KIF1B: variants seen among roughly 807,000 people sequenced by gnomAD.
KIF1B encodes kinesin family member 1B, also known as kinesin-like protein KIF1B.
KIF1B carries 76 observed loss-of-function variants against 241.9 expected under a neutral mutation model. The ratio of observed to expected loss-of-function variants is 0.31; its 90% confidence interval spans 0.26 to 0.38. The LOEUF is 0.38. Ranked by LOEUF, KIF1B falls within the 10% of genes least tolerant of loss-of-function variation. The probability of loss-of-function intolerance (pLI) is 1.00; values close to 1 mark genes in which losing one functional copy is unlikely to be tolerated. For missense variants in KIF1B, 1,622 were observed against 2,271.4 expected (o/e 0.71, Z 5.81); for synonymous variants, 750 against 796.7 (o/e 0.94, Z 0.99).
At position 10,313,797 on chromosome 1, in the gene KIF1B, A is replaced by G. The variant is rs541199549; in HGVS notation, c.2116-6246A>G. Among the ~76,000 whole-genome samples, 43 of 151,410 alleles carry G rather than the reference A, an allele frequency of 2.8e-4. No individual in the cohort carries two copies. In the South Asian group the frequency reaches 6.4e-3, roughly 23 times the overall value. On this transcript the variant is annotated intron_variant, in intron 22 of 48. Transcript: ENST00000676179. ...GATCTCCTGACCTCGTGATCTGCCC[A>G]CCTTGGCCTCCCAAAGTGTTGAGAT...
At chr1:10,368,999 T>G (rs1638649713) in intron 44 of KIF1B, among the ~76,000 whole-genome samples, 1 of 152,138 alleles carries the variant, frequency 6.6e-6, no homozygotes, top group African/African-American at 2.4e-5. Context: ...TGCCTTGGGG[T>G]CTTTGCACAC....
intron 1 of KIF1B, among the ~76,000 whole-genome samples, chr1:10,220,528 G>A (rs1038082613): frequency 7.2e-5 from 11 of 152,132 alleles, no homozygotes; most frequent in African/African-American, 1.4e-4. Context: ...AAAATAAACA[G>A]GGCAGTGATG....
intron 19 of KIF1B, among the ~76,000 whole-genome samples, chr1:10,296,258 C>T (rs1200447764): frequency 6.6e-6 from 1 of 152,124 alleles, no homozygotes; most frequent in Admixed American, 6.5e-5. Context: ...TGGTTATTAC[C>T]TATATCTCAT....
At position 10,380,110 on chromosome 1, in the gene KIF1B, A is replaced by G. The variant is rs1365457121; in HGVS notation, c.*3523A>G. On this transcript the variant is annotated 3_prime_UTR_variant, in exon 49 of 49. Coordinates refer to ENST00000676179, the MANE Select transcript of KIF1B (RefSeq NM_001365951.3). ...TGTGAACTGTCTCTTGAGATCTAAA[A>G]ACAAGATGACTTTTCCTGGCACATA... is the stretch of plus-strand genomic sequence containing the variant. 3 of 226,572 alleles carry G rather than the reference A, an allele frequency of 1.3e-5. No individual in the cohort carries two copies. The highest frequency in any genetic ancestry group is 2.6e-5 in the Non-Finnish European group (3 of 113,734). The allele number at this position is 226,572 out of a possible 1,614,324, so 14.0% of individuals were successfully genotyped here.
intron 22 of KIF1B, among the ~76,000 whole-genome samples, chr1:10,313,632 G>T (rs2102285179): frequency 7.1e-6 from 1 of 140,696 alleles, no homozygotes; most frequent in Admixed American, 7.5e-5. Context: ...CTCACTGCAA[G>T]CTCCGCCTCC....
At chr1:10,327,970 T>C (rs1019222508) in intron 27 of KIF1B, among the ~76,000 whole-genome samples, 1 of 152,186 alleles carries the variant, frequency 6.6e-6, no homozygotes, top group Non-Finnish European at 1.5e-5. Context: ...CTCTGGAGGC[T>C]GAGGCCAGAA....
In KIF1B at chr1:10,303,608, C is replaced by A. The variant is rs1198850634; in HGVS notation, c.2115+6362C>A. 1 of 1,614,106 alleles carries A rather than the reference C, an allele frequency of 6.2e-7. No homozygotes were observed. The highest frequency in any genetic ancestry group is 8.5e-7 in the Non-Finnish European group (1 of 1,180,022). ...GATGAGAAGATCGAAGACGTCATGG[C>A]CACTGGGAAAGGCAGCACTGATGTA... On this transcript the variant is annotated intron_variant, in intron 22 of 48. Coordinates refer to ENST00000676179, the MANE Select transcript of KIF1B (RefSeq NM_001365951.3). This position sits in a 1 kb window ranked among gnomAD's most constrained non-coding sequence, Gnocchi z 5.2.
Position 10,360,999 on chromosome 1 carries a change from C to T in KIF1B, c.4126C>T (p.Pro1376Ser). ...HNSLLLNRVT[P>S]YGEKIYMTLS... is the part of the protein sequence containing the mutation. ...CTCCCTTCTTCTGAACCGAGTGACA[C>T]CCTATGGAGAAAAGATCTACATGAC... is the stretch of plus-strand genomic sequence containing the variant. Residue 1376 changes from proline to serine, a missense_variant, in exon 39 of 49, where the codon CCC (proline) becomes TCC (serine). Pro to Ser is a moderately conservative substitution (Grantham distance 74). This residue lies in a region of KIF1B where 803 missense variants were observed against 1,112.0 expected (regional missense o/e 0.72). Transcript: ENST00000676179. 6.2e-7 allele frequency: 1 copy of T among 1,613,954 alleles called. No individual in the cohort carries two copies. The highest frequency in any genetic ancestry group is 8.5e-7 in the Non-Finnish European group (1 of 1,179,932).
chr1:10,246,245 C>A (rs746255327), intron 2 of KIF1B, among the ~76,000 whole-genome samples: 32 of 152,220 alleles, frequency 2.1e-4, no homozygotes, highest in Non-Finnish European at 3.7e-4. Context: ...TTGCCTAGAC[C>A]AAAAATATTG....
chr1:10,265,248 A>T (rs575759003), intron 5 of KIF1B, among the ~76,000 whole-genome samples: 24 of 116,398 alleles, frequency 2.1e-4, no homozygotes, highest in African/African-American at 7.3e-4. Flanking sequence ...TTATTTATTT[A>T]TTTTTAGAGA....
Position 10,274,998 on chromosome 1 carries a change from G to A in KIF1B, c.883-430G>A. On this transcript the variant is annotated intron_variant, in intron 10 of 48. Transcript: ENST00000676179. ...GTTTAATTTTTTGAATTTGGTCATT[G>A]TTTTCTGTGTAAGAGAATGTTCTTA... 8.9e-6 allele frequency: 3 copies of A among 336,310 alleles called. No individual in the cohort carries two copies. In the Middle Eastern group the frequency reaches 1.2e-3, roughly 132 times the overall value. 20.8% of individuals were successfully genotyped at this position (336,310 alleles called of 1,614,324 possible).
intron 22 of KIF1B, chr1:10,305,107 C>CA: frequency 9.4e-7 from 1 of 1,066,110 alleles, no homozygotes; most frequent in Non-Finnish European, 1.1e-6. Flanking sequence ...TAATAACATG[C>CA]AACTGGGTGG....
In KIF1B at chr1:10,375,414, A is replaced by C. The variant is rs61778405; in HGVS notation, c.5408+41A>C. The C allele has an allele frequency of 1.6e-3, 2,445 of 1,528,868 alleles. 33 individuals are homozygous for C. The African/African-American group carries it at 0.027, about 17-fold the overall frequency. The allele number at this position is 1,528,868 out of a possible 1,614,324, so 94.7% of individuals were successfully genotyped here. A position where few individuals can be genotyped will look rare whatever the true frequency, so the allele number is the denominator to read the frequency against. On this transcript the variant is annotated intron_variant, in intron 48 of 48. Transcript: ENST00000676179. Reference sequence around the variant, plus strand: ...GTTGTTGTTGTTGTTTTTGAGACGGAGTCTCACTTTTTCTCCCTGAAGTGC... The same window carrying C: ...GTTGTTGTTGTTGTTTTTGAGACGGCGTCTCACTTTTTCTCCCTGAAGTGC...
intron 22 of KIF1B, among the ~76,000 whole-genome samples, chr1:10,316,091 G>A (rs539158916): frequency 6.7e-6 from 1 of 149,112 alleles, no homozygotes; most frequent in Non-Finnish European, 1.5e-5. Flanking sequence ...GAAGGGGCCA[G>A]GCACGTTGGC....
intron 28 of KIF1B, 121 bp from the exon 29 acceptor site, chr1:10,336,536 T>TA: frequency 1.2e-6 from 1 of 803,710 alleles, no homozygotes; most frequent in Non-Finnish European, 2.2e-6. Context: ...CATGCCGTGT[T>TA]ACTACTTTGG....
chr1:10,286,491 G>A (rs1649722291), intron 15 of KIF1B, among the ~76,000 whole-genome samples: 1 of 152,252 alleles, frequency 6.6e-6, no homozygotes, highest in African/African-American at 2.4e-5. Context: ...AAGGGCAAAT[G>A]CTGTGCTAAG....
intron 22 of KIF1B, among the ~76,000 whole-genome samples, chr1:10,299,606 C>G (rs1426342279): frequency 6.6e-6 from 1 of 152,046 alleles, no homozygotes; most frequent in Non-Finnish European, 1.5e-5. Context: ...TTAATATTTA[C>G]CATATGTAAT....
At chr1:10,235,890 A>G (rs909071217) in intron 2 of KIF1B, among the ~76,000 whole-genome samples, 13 of 150,210 alleles carry the variant, frequency 8.7e-5, no homozygotes, top group African/African-American at 2.9e-4. Context: ...AAAAGCATAA[A>G]TGAGAGTTTG....
chr1:10,262,416 C>T (rs950125821), intron 5 of KIF1B, among the ~76,000 whole-genome samples: 7 of 152,148 alleles, frequency 4.6e-5, no homozygotes, highest in Admixed American at 3.3e-4. Context: ...TCTGAAAGTG[C>T]TGGGGTTGCA....
Sources: allele counts gnomAD v4.1 joint callset (sites outside exome capture counted in the v4.1 genomes callset), GRCh38; gene constraint gnomAD v4.1.1; regional missense constraint gnomAD v4.1.1; non-coding constraint Gnocchi (gnomAD v3.1); transcripts MANE v1.5; gene names NCBI Gene and HGNC (gene_info 2026-07-23, HGNC 2026-07-21).